Variants in RABGAP1L observed in about 807,000 individuals in gnomAD.
RABGAP1L encodes rab GTPase-activating protein 1-like.
RABGAP1L carries 63 observed loss-of-function variants against 137.7 expected under a neutral mutation model. The ratio of observed to expected loss-of-function variants is 0.46; its 90% CI spans 0.37 to 0.56. The LOEUF (loss-of-function observed/expected upper bound fraction) is 0.56, where lower values mean the gene tolerates loss of function less well. Ranked by LOEUF, RABGAP1L falls within the 20% of genes least tolerant of loss-of-function variation. The pLI is 0.00. For synonymous variants in RABGAP1L, 431 were observed against 433.7 expected (o/e 0.99, Z 0.08); for missense variants, 1,095 against 1,244.0 (o/e 0.88, Z 1.80).
At chr1:174,219,416 G>T in intron 2 of RABGAP1L, 121 bp downstream of exon 2, 1 of 672,538 alleles carries the variant, frequency 1.5e-6, no homozygotes, top group Non-Finnish European at 2.2e-6. Context: ...ATCAATGTTT[G>T]ATTTATCCAG....
chr1:174,622,993 T>C (rs531580693), intron 13 of RABGAP1L, among the ~76,000 whole-genome samples: 81 of 152,212 alleles, frequency 5.3e-4, no homozygotes, highest in Admixed American at 1.1e-3. Context: ...ATCATTTTAA[T>C]AGTTATGTGA....
intron 18 of RABGAP1L, among the ~76,000 whole-genome samples, chr1:174,763,650 CAAAAAAAAAAAAAAAAAAAAAAA>C (rs1165876748): frequency 2.3e-4 from 3 of 13,100 alleles, no homozygotes; most frequent in East Asian, 2.3e-3. Flanking sequence ...GACTCCGTCT[CAAAAAAAAAAAAAAAAAAAAAAA>C]AAAAAAAAAA....
At chr1:174,890,892 G>T (rs1031217853) in intron 19 of RABGAP1L, among the ~76,000 whole-genome samples, 4 of 152,164 alleles carry the variant, frequency 2.6e-5, no homozygotes, top group African/African-American at 9.7e-5. Context: ...CACTCTGTGA[G>T]TGTGTAGGTT....
intron 11 of RABGAP1L, among the ~76,000 whole-genome samples, chr1:174,327,934 G>A (rs1378874866): frequency 7.5e-6 from 1 of 133,780 alleles, no homozygotes; most frequent in African/African-American, 2.9e-5. Flanking sequence ...GGACAGTAGA[G>A]CAAAAGGATA....
chr1:174,398,179 C>T (rs1177528612), intron 13 of RABGAP1L, among the ~76,000 whole-genome samples: 1 of 152,132 alleles, frequency 6.6e-6, no homozygotes, highest in East Asian at 1.9e-4. Context: ...TCAGGAAGCT[C>T]ACCTAGTTTT....
At chr1:174,909,932 G>A (rs1659778064) in intron 19 of RABGAP1L, among the ~76,000 whole-genome samples, 1 of 152,220 alleles carries the variant, frequency 6.6e-6, no homozygotes, top group Non-Finnish European at 1.5e-5. Flanking sequence ...GAGGTCAGGA[G>A]ATCGAAACCA....
At chr1:174,618,208 C>T (rs964168691) in intron 13 of RABGAP1L, among the ~76,000 whole-genome samples, 12 of 152,216 alleles carry the variant, frequency 7.9e-5, no homozygotes, top group Non-Finnish European at 1.5e-4. Flanking sequence ...TAGACTCCAC[C>T]TCTGGGGGCA....
intron 7 of RABGAP1L, among the ~76,000 whole-genome samples, chr1:174,255,421 A>G (rs1302701418): frequency 6.6e-6 from 1 of 152,240 alleles, no homozygotes; most frequent in African/African-American, 2.4e-5. Flanking sequence ...CAACTAGTAG[A>G]GAGAAGACCT....
intron 13 of RABGAP1L, among the ~76,000 whole-genome samples, chr1:174,527,267 G>A (rs1159706204): frequency 6.8e-6 from 1 of 146,728 alleles, no homozygotes; most frequent in African/African-American, 2.5e-5. Flanking sequence ...TCAGTGGCAC[G>A]ATCTTGGCTC....
At chr1:174,645,611 G>A (rs1297254442) in intron 14 of RABGAP1L, among the ~76,000 whole-genome samples, 2 of 152,038 alleles carry the variant, frequency 1.3e-5, no homozygotes, top group Non-Finnish European at 1.5e-5. Context: ...TCTTTATCCA[G>A]TCTATCATTG....
chr1:174,481,646 A>C (rs1410967502), intron 13 of RABGAP1L, among the ~76,000 whole-genome samples: 1 of 152,172 alleles, frequency 6.6e-6, no homozygotes, highest in Non-Finnish European at 1.5e-5. Context: ...GATGTTAAAA[A>C]AATAAAAAAA....
chr1:174,536,333 T>C (rs2147912229), intron 13 of RABGAP1L, among the ~76,000 whole-genome samples: 1 of 152,126 alleles, frequency 6.6e-6, no homozygotes, highest in South Asian at 2.1e-4. Flanking sequence ...AAACTGTGTA[T>C]GTTTGTTTGC....
intron 17 of RABGAP1L, among the ~76,000 whole-genome samples, chr1:174,745,813 T>C (rs1683822146): frequency 6.6e-6 from 1 of 152,140 alleles, no homozygotes; most frequent in Non-Finnish European, 1.5e-5. Context: ...CTTCCTAGGG[T>C]GGTATGTTTT....
At chr1:174,640,236 GTTAT>G (rs1454462353) in intron 14 of RABGAP1L, among the ~76,000 whole-genome samples, 1 of 151,972 alleles carries the variant, frequency 6.6e-6, no homozygotes, top group East Asian at 1.9e-4. Flanking sequence ...TTGATTTACT[GTTAT>G]TTAGTATCTC....
chr1:174,197,692 C>T (rs1353640761), intron 1 of RABGAP1L, among the ~76,000 whole-genome samples: 8 of 151,842 alleles, frequency 5.3e-5, no homozygotes, highest in Admixed American at 2.0e-4. Flanking sequence ...CTCAGCCACT[C>T]GGGTGGCTGA....
intron 11 of RABGAP1L, among the ~76,000 whole-genome samples, chr1:174,327,996 T>TATATATATATACATAC (rs1558136324): frequency 9.8e-5 from 9 of 91,524 alleles, no homozygotes; most frequent in African/African-American, 4.9e-4. Flanking sequence ...CATATATATA[T>TATATATATATACATAC]ATATATATAT....
intron 13 of RABGAP1L, among the ~76,000 whole-genome samples, chr1:174,507,422 A>G (rs1170330855): frequency 6.6e-6 from 1 of 152,166 alleles, no homozygotes; most frequent in Non-Finnish European, 1.5e-5. Flanking sequence ...AAAAATAAAC[A>G]TATGTTAAAA....
intron 19 of RABGAP1L, among the ~76,000 whole-genome samples, chr1:174,944,123 A>G (rs1433461583): frequency 2.0e-5 from 3 of 151,814 alleles, no homozygotes; most frequent in Non-Finnish European, 2.9e-5. Flanking sequence ...GTATAAAAAA[A>G]TTAGCCAGGT....
At chr1:174,162,857 A>G (rs750914424) in intron 1 of RABGAP1L, among the ~76,000 whole-genome samples, 3 of 114,824 alleles carry the variant, frequency 2.6e-5, no homozygotes, top group Non-Finnish European at 4.8e-5. Context: ...TTAGTTACAT[A>G]TGTATACATG....
Sources: gnomAD v4.1 joint callset for allele counts (sites outside exome capture counted in the v4.1 genomes callset) on GRCh38, gnomAD v4.1.1 for gene constraint, MANE v1.5 for transcripts, NCBI Gene and HGNC (gene_info 2026-07-23, HGNC 2026-07-21) for gene names.